DAPK2: variants seen among roughly 807,000 people sequenced by gnomAD.
DAPK2 encodes the protein death associated protein kinase 2, also known as death-associated protein kinase 2.
In DAPK2, 35 loss-of-function variants were observed where a neutral mutation model predicts 44.1. The observed-to-expected ratio is 0.79, with a 90% CI of 0.61 to 1.05. DAPK2 has a LOEUF of 1.05. Ranked by LOEUF, DAPK2 falls within the 50% of genes least tolerant of loss-of-function variation. DAPK2 has a pLI of 0.00. For synonymous variants in DAPK2, 174 were observed against 182.6 expected, an observed-to-expected ratio of 0.95 and a Z score of 0.38; for missense variants, 453 against 483.2, an observed-to-expected ratio of 0.94 and a Z score of 0.59.
intron 3 of DAPK2, among the ~76,000 whole-genome samples, chr15:63,943,273 T>A (rs950564992): frequency 5.3e-5 from 8 of 151,420 alleles, no homozygotes; most frequent in Non-Finnish European, 4.4e-5. Flanking sequence ...AAAAAATTTT[T>A]AAAAATTAGC....
At chr15:63,934,390 G>A (rs954814788) in intron 4 of DAPK2, among the ~76,000 whole-genome samples, 6 of 150,566 alleles carry the variant, frequency 4.0e-5, no homozygotes, top group South Asian at 2.1e-4. Context: ...CCAAGTAGCC[G>A]GGATTACAGG....
intron 1 of DAPK2, among the ~76,000 whole-genome samples, chr15:64,026,015 C>A (rs1023302445): frequency 6.6e-6 from 1 of 152,194 alleles, no homozygotes; most frequent in Non-Finnish European, 1.5e-5. Flanking sequence ...TTCTGTGCCC[C>A]ACACTCAACA....
intron 3 of DAPK2, among the ~76,000 whole-genome samples, chr15:63,952,343 G>C (rs2077612141): frequency 6.6e-6 from 1 of 152,224 alleles, no homozygotes; most frequent in African/African-American, 2.4e-5. Flanking sequence ...AAGTGTTCCG[G>C]AGGAAATGGC....
At chr15:63,943,829 T>C (rs1477211509) in intron 3 of DAPK2, among the ~76,000 whole-genome samples, 2 of 152,070 alleles carry the variant, frequency 1.3e-5, no homozygotes, top group African/African-American at 2.4e-5. Context: ...TGAGCTGAGA[T>C]CGTACCACTG....
chr15:64,040,981 C>A (rs1387777668), upstream of DAPK2, among the ~76,000 whole-genome samples: 2 of 151,132 alleles, frequency 1.3e-5, no homozygotes, highest in Admixed American at 6.6e-5. Flanking sequence ...GGTAAGCCAC[C>A]TAAGCTGCCA....
At position 63,923,886 on chromosome 15, in the gene DAPK2, T is replaced by C. The variant is rs2079161986; in HGVS notation, c.858+930A>G. Among the ~76,000 whole-genome samples, 1 of 152,232 alleles carries C rather than the reference T, an allele frequency of 6.6e-6. No individual in the cohort carries two copies. Among genetic ancestry groups the C allele is most frequent in the Non-Finnish European group, 1.5e-5 (1 of 68,048 alleles). ...TTTAGAGAGATGGGGTCTTGGCATG[T>C]TGCTCAAGTTGGTCTTGAACTCCTG... On this transcript the variant is annotated intron_variant, in intron 8 of 10. Coordinates refer to ENST00000261891, the Ensembl canonical transcript of DAPK2. This position sits in a 1 kb window ranked among gnomAD's most constrained non-coding sequence, Gnocchi z 4.2.
intron 3 of DAPK2, among the ~76,000 whole-genome samples, chr15:63,941,492 G>A (rs1226609528): frequency 6.6e-6 from 1 of 152,206 alleles, no homozygotes; most frequent in South Asian, 2.1e-4. Flanking sequence ...GGTGACCCTA[G>A]CTGTTAGCTG....
upstream of DAPK2, among the ~76,000 whole-genome samples, chr15:64,041,909 A>G (rs757802835): frequency 1.3e-5 from 2 of 152,178 alleles, no homozygotes; most frequent in Non-Finnish European, 2.9e-5. Flanking sequence ...CCTGGTTCCC[A>G]GGGCTTACTC....
intron 8 of DAPK2, among the ~76,000 whole-genome samples, chr15:63,913,121 G>A (rs2078839196): frequency 6.6e-6 from 1 of 152,100 alleles, no homozygotes; most frequent in Admixed American, 6.5e-5. Context: ...CCTGCTGTAT[G>A]ATTCAATTTA....
At chr15:64,032,401 C>T (rs1456875307) in intron 1 of DAPK2, among the ~76,000 whole-genome samples, 1 of 152,206 alleles carries the variant, frequency 6.6e-6, no homozygotes, top group Admixed American at 6.5e-5. Context: ...CCTCTGGCCT[C>T]TGTCTCAGTG....
intron 3 of DAPK2, among the ~76,000 whole-genome samples, chr15:63,941,971 TCTC>T (rs1399259105): frequency 6.6e-6 from 1 of 152,034 alleles, no homozygotes; most frequent in African/African-American, 2.4e-5. Context: ...CTTAGGAACT[TCTC>T]CTCTCCTCCA....
At chr15:64,024,732 A>G (rs969922710) in intron 1 of DAPK2, among the ~76,000 whole-genome samples, 4 of 152,110 alleles carry the variant, frequency 2.6e-5, no homozygotes, top group Non-Finnish European at 4.4e-5. Flanking sequence ...AGCCTGCAAA[A>G]CATAGACAGG....
intron 3 of DAPK2, among the ~76,000 whole-genome samples, chr15:63,968,862 C>T (rs1028130651): frequency 1.3e-5 from 2 of 152,206 alleles, no homozygotes; most frequent in Non-Finnish European, 2.9e-5. Flanking sequence ...AGCCACTCCT[C>T]CTACCAGACC....
chr15:63,951,201 T>A (rs77251866), intron 3 of DAPK2, among the ~76,000 whole-genome samples: 2 of 152,058 alleles, frequency 1.3e-5, no homozygotes, highest in Non-Finnish European at 2.9e-5. Context: ...TGGGTGCAGA[T>A]TGGGGGTGGA....
chr15:63,990,746 C>T lies in DAPK2; in HGVS notation c.93-6992G>A, dbSNP rs1389398875. 6.6e-6 allele frequency among the ~76,000 whole-genome samples: 1 copy of T among 152,164 alleles called. No homozygotes were observed. The highest frequency in any genetic ancestry group is 1.9e-4 in the East Asian group (1 of 5,184). On this transcript the variant is annotated intron_variant, in intron 1 of 10. Coordinates refer to ENST00000261891, the Ensembl canonical transcript of DAPK2. The surrounding 1 kb of genome is among the most constrained non-coding windows in gnomAD (Gnocchi z 4.3). The stretch of plus-strand genomic sequence containing the variant: ...GAGCCGTGATTCCTCTGGAATTACC[C>T]TGCGAGGTTTCAGGGCCATAGGGCA...
At position 63,959,331 on chromosome 15, in the gene DAPK2, T is replaced by C. The variant is rs559742021; in HGVS notation, c.453+12092A>G. The stretch of plus-strand genomic sequence containing the variant: ...ACAATTTGACTTCCTCTTTTCCTAA[T>C]TGAATACCCTTTATTTCTTTCTCTT... On this transcript the variant is annotated intron_variant, in intron 3 of 10. Transcript: ENST00000261891. Among the ~76,000 whole-genome samples the C allele has an allele frequency of 3.0e-3, 450 of 152,334 alleles. 3 individuals are homozygous for C. Among genetic ancestry groups the C allele is most frequent in the African/African-American group, 0.01 (423 of 41,570 alleles).
chr15:63,940,944 A>G (rs1258525303), intron 3 of DAPK2, among the ~76,000 whole-genome samples: 1 of 152,270 alleles, frequency 6.6e-6, no homozygotes, highest in East Asian at 1.9e-4. Flanking sequence ...TGGGGAGTAC[A>G]AGGTTTCTTT....
intron 2 of DAPK2, among the ~76,000 whole-genome samples, chr15:63,973,376 C>T (rs1231463648): frequency 6.6e-6 from 1 of 152,238 alleles, no homozygotes; most frequent in Non-Finnish European, 1.5e-5. Context: ...GCAAGACCTC[C>T]ATTCCACCCC....
chr15:63,948,020 T>C (rs1388138430), intron 3 of DAPK2, among the ~76,000 whole-genome samples: 3 of 151,918 alleles, frequency 2.0e-5, no homozygotes, highest in African/African-American at 7.3e-5. Context: ...ATAATCCCAG[T>C]ACTTTGGGAG....
Sources: gnomAD v4.1 joint callset for allele counts (sites outside exome capture counted in the v4.1 genomes callset) on GRCh38, gnomAD v4.1.1 for gene constraint, Gnocchi (gnomAD v3.1) non-coding constraint, MANE v1.5 for transcripts, NCBI Gene and HGNC (gene_info 2026-07-23, HGNC 2026-07-21) for gene names.